Variants in DCLK1 observed in about 807,000 individuals in gnomAD.
DCLK1 encodes serine/threonine-protein kinase DCLK1.
In DCLK1, 16 loss-of-function variants were observed where a neutral mutation model predicts 86.2. The ratio of observed to expected loss-of-function variants is 0.19; its 90% confidence interval spans 0.13 to 0.28. DCLK1 has a LOEUF of 0.28. DCLK1 is among the 10% of genes least tolerant of loss of function. The pLI is 1.00. For missense variants in DCLK1, 590 were observed against 940.2 expected, an observed-to-expected ratio of 0.63 and a Z score of 4.87; for synonymous variants, 369 against 370.5, an observed-to-expected ratio of 1.00 and a Z score of 0.05.
At chr13:36,016,293 A>G (rs549041246) in intron 3 of DCLK1, among the ~76,000 whole-genome samples, 1 of 152,276 alleles carries the variant, frequency 6.6e-6, no homozygotes, top group South Asian at 2.1e-4. Flanking sequence ...CATATCTCAT[A>G]TTTGTATTAG....
chr13:35,950,635 T>A (rs988915726), intron 3 of DCLK1, among the ~76,000 whole-genome samples: 1 of 152,230 alleles, frequency 6.6e-6, no homozygotes, highest in African/African-American at 2.4e-5. Context: ...CTCTCTGCCA[T>A]GAATTCATTG....
chr13:35,996,779 G>A (rs1431741711), intron 3 of DCLK1, among the ~76,000 whole-genome samples: 1 of 151,940 alleles, frequency 6.6e-6, no homozygotes, highest in African/African-American at 2.4e-5. Context: ...TTATCTGAAG[G>A]GTATTATCCA....
At chr13:36,031,724 TG>T (rs1427972243) in intron 3 of DCLK1, among the ~76,000 whole-genome samples, 1 of 152,314 alleles carries the variant, frequency 6.6e-6, no homozygotes, top group African/African-American at 2.4e-5. Context: ...TAGTGTAAAA[TG>T]GAATAGCATG....
chr13:36,029,300 A>G lies in DCLK1; in HGVS notation c.724-81843T>C, dbSNP rs140386961. On this transcript the variant is annotated intron_variant, in intron 3 of 16. Coordinates refer to ENST00000360631, the MANE Select transcript of DCLK1 (RefSeq NM_001330071.2). ...GCACCATATACATTTGCTTTGTAAC[A>G]TGAGTCATAGTGACATGACATGACA... Among the ~76,000 whole-genome samples the G allele has an allele frequency of 6.7e-4, 102 of 152,274 alleles. 2 individuals are homozygous for G. Among genetic ancestry groups the G allele is most frequent in the Middle Eastern group, 6.8e-3 (2 of 294 alleles).
intron 4 of DCLK1, among the ~76,000 whole-genome samples, chr13:35,874,456 C>A (rs911655051): frequency 6.6e-6 from 1 of 151,990 alleles, no homozygotes; most frequent in Non-Finnish European, 1.5e-5. Flanking sequence ...CAAATTCTGC[C>A]TTGTGATATT....
chr13:36,056,551 G>T (rs1593852070), intron 3 of DCLK1, among the ~76,000 whole-genome samples: 1 of 137,584 alleles, frequency 7.3e-6, no homozygotes, highest in South Asian at 2.4e-4. Flanking sequence ...CACCAGCATG[G>T]CACATGTATA....
chr13:36,066,494 G>C (rs182728459), intron 3 of DCLK1, among the ~76,000 whole-genome samples: 442 of 152,278 alleles, frequency 2.9e-3, no homozygotes, highest in Middle Eastern at 6.8e-3. Context: ...CATTCACTTA[G>C]AGGTGCTGTA....
At chr13:35,846,035 G>A in intron 6 of DCLK1, 1 of 985,398 alleles carries the variant, frequency 1.0e-6, no homozygotes, top group Non-Finnish European at 1.2e-6. Flanking sequence ...CAAAGTAACT[G>A]AACTTTCAAA....
intron 4 of DCLK1, among the ~76,000 whole-genome samples, chr13:35,946,763 C>T (rs1358078142): frequency 1.3e-5 from 2 of 152,104 alleles, no homozygotes; most frequent in African/African-American, 4.8e-5. Flanking sequence ...TTCTTAAAGC[C>T]ACAACATTTC....
chr13:35,873,683 G>A (rs181666525), intron 4 of DCLK1, among the ~76,000 whole-genome samples: 144 of 152,242 alleles, frequency 9.5e-4, no homozygotes, highest in Admixed American at 4.2e-3. Context: ...ACCATGCCCG[G>A]CCTCAAATTG....
intron 11 of DCLK1, among the ~76,000 whole-genome samples, chr13:35,817,899 A>G (rs1423260308): frequency 6.6e-6 from 1 of 152,216 alleles, no homozygotes; most frequent in Non-Finnish European, 1.5e-5. Context: ...GAAATTGACA[A>G]TAACACAACT....
chr13:35,770,484 T>C lies in DCLK1; in HGVS notation c.*4051A>G, dbSNP rs2086311461. On this transcript the variant is annotated 3_prime_UTR_variant, in exon 17 of 17. Transcript: ENST00000360631. ...TTATCCCCAAAAGAAGCACGTATCT[T>C]ACCCTCTAAACTGCATGCAAAGTAA... The C allele has an allele frequency of 6.6e-6, 1 of 152,168 alleles. No individual in the cohort carries two copies. The highest frequency in any genetic ancestry group is 2.1e-4 in the South Asian group (1 of 4,826). 9.4% of individuals were successfully genotyped at this position (152,168 alleles called of 1,614,324 possible). A position where few individuals can be genotyped will look rare whatever the true frequency, so the allele number is the denominator to read the frequency against.
chr13:35,995,731 A>G (rs1880438627), intron 3 of DCLK1, among the ~76,000 whole-genome samples: 1 of 152,238 alleles, frequency 6.6e-6, no homozygotes, highest in Non-Finnish European at 1.5e-5. Flanking sequence ...TGTGAGAGAC[A>G]ACCTCAAAAA....
At chr13:35,861,230 G>A (rs528139907) in intron 5 of DCLK1, among the ~76,000 whole-genome samples, 1 of 151,150 alleles carries the variant, frequency 6.6e-6, no homozygotes, top group Non-Finnish European at 1.5e-5. Context: ...GTGATGATTT[G>A]GGGTACAAGA....
chr13:35,869,467 G>C (rs1001477398), intron 5 of DCLK1, among the ~76,000 whole-genome samples: 1 of 152,196 alleles, frequency 6.6e-6, no homozygotes, highest in African/African-American at 2.4e-5. Flanking sequence ...TATCTAAAAG[G>C]TCTGCTCTTG....
At chr13:36,081,792 T>C (rs146020308) in intron 3 of DCLK1, among the ~76,000 whole-genome samples, 5 of 152,238 alleles carry the variant, frequency 3.3e-5, no homozygotes, top group Non-Finnish European at 7.4e-5. Context: ...AGTAGAAAAA[T>C]TGTGGAGATA....
At chr13:35,887,422 C>A (rs1053095505) in intron 4 of DCLK1, among the ~76,000 whole-genome samples, 2 of 152,174 alleles carry the variant, frequency 1.3e-5, no homozygotes, top group Non-Finnish European at 1.5e-5. Context: ...ATATAAGTGA[C>A]CTGCTGTCCT....
At chr13:36,013,300 C>A (rs907476170) in intron 3 of DCLK1, among the ~76,000 whole-genome samples, 1 of 145,672 alleles carries the variant, frequency 6.9e-6, no homozygotes, top group African/African-American at 2.5e-5. Context: ...GGAGGAGAGG[C>A]GCTCTGCGTT....
chr13:36,083,417 G>C (rs186894027), intron 3 of DCLK1, among the ~76,000 whole-genome samples: 42 of 152,336 alleles, frequency 2.8e-4, no homozygotes, highest in African/African-American at 1.0e-3. Context: ...CACTTTGGTA[G>C]ATCAGCCTGT....
Sources: allele counts gnomAD v4.1 joint callset (sites outside exome capture counted in the v4.1 genomes callset), GRCh38; gene constraint gnomAD v4.1.1; transcripts MANE v1.5; gene names NCBI Gene and HGNC (gene_info 2026-07-23, HGNC 2026-07-21).